Variants in RNASEH2B observed in about 807,000 individuals in gnomAD.
RNASEH2B encodes the protein Aicardi-Goutieres syndrome 2 protein.
Under a neutral mutation model 45.0 loss-of-function variants are expected in RNASEH2B, and 36 were observed. The observed-to-expected ratio is 0.80, with a 90% CI of 0.61 to 1.06. The LOEUF is 1.06. Among genes scored for constraint, RNASEH2B ranks in the 50% least tolerant of loss-of-function variants. RNASEH2B has a pLI of 0.00. For synonymous variants in RNASEH2B, 119 were observed against 125.7 expected (o/e 0.95, Z 0.35); for missense variants, 361 against 360.3 (o/e 1.00, Z -0.02).
At chr13:50,970,146 G>C (rs1345698769) in exon 10 of RNASEH2B, 1 of 675,118 alleles carries the variant, frequency 1.5e-6, no homozygotes, top group Admixed American at 2.6e-5. Context: ...GTGGGCAGCG[G>C]CATTCCTCCC....
chr13:50,925,089 A>AT (rs1951574836), intron 1 of RNASEH2B, among the ~76,000 whole-genome samples: 1 of 149,974 alleles, frequency 6.7e-6, no homozygotes, highest in East Asian at 2.0e-4. Flanking sequence ...TTTTTCTTCA[A>AT]TTTTTTTCTC....
intron 9 of RNASEH2B, chr13:50,951,181 G>A (rs1391343102): frequency 3.3e-5 from 5 of 152,100 alleles, no homozygotes; most frequent in Non-Finnish European, 7.3e-5. Context: ...TGCTTTTCGA[G>A]GTCTTCTACT....
At chr13:50,956,792 C>T (rs965523812), downstream of RNASEH2B, 87 of 1,008,030 alleles carry the variant, frequency 8.6e-5, 1 homozygote, top group African/African-American at 1.4e-3. Flanking sequence ...TTTAATGCAA[C>T]TTTGCATTCA....
chr13:50,966,678 T>G (rs1952167831), intron 9 of RNASEH2B, among the ~76,000 whole-genome samples: 1 of 152,206 alleles, frequency 6.6e-6, no homozygotes, highest in South Asian at 2.1e-4. Flanking sequence ...AGGCTTAAAT[T>G]GGATGTCAAG....
downstream of RNASEH2B, chr13:50,960,296 T>A: frequency 2.8e-6 from 1 of 361,056 alleles, no homozygotes; most frequent in Non-Finnish European, 4.8e-6. Flanking sequence ...ATTTAGTTTT[T>A]AAAAATTGCA....
upstream of RNASEH2B, chr13:50,909,761 G>T: frequency 3.8e-6 from 1 of 260,560 alleles, no homozygotes; most frequent in Non-Finnish European, 7.3e-6. Flanking sequence ...GCGTCACTCG[G>T]CGCCCTGCGG....
intron 10 of RNASEH2B, chr13:50,954,611 T>G (rs1952021958): frequency 6.6e-6 from 1 of 152,378 alleles, no homozygotes; most frequent in Non-Finnish European, 1.5e-5. Flanking sequence ...GACATATAGG[T>G]TACTTCTGAT....
intron 5 of RNASEH2B, chr13:50,940,762 T>C (rs1196357982): frequency 1.3e-5 from 2 of 152,198 alleles, no homozygotes; most frequent in African/African-American, 4.8e-5. Flanking sequence ...CAGTTGACTT[T>C]GGAGGAGGGT....
At chr13:50,924,498 A>T (rs1041165001) in intron 1 of RNASEH2B, among the ~76,000 whole-genome samples, 1 of 152,236 alleles carries the variant, frequency 6.6e-6, no homozygotes, top group Non-Finnish European at 1.5e-5. Flanking sequence ...CCAATGACAG[A>T]GCCCCAAATT....
chr13:50,911,526 C>A (rs1192563724), intron 1 of RNASEH2B: 1 of 152,140 alleles, frequency 6.6e-6, no homozygotes, highest in African/African-American at 2.4e-5. Context: ...AGTGGAATGG[C>A]TGGTTCTAGT....
intron 1 of RNASEH2B, among the ~76,000 whole-genome samples, chr13:50,917,252 C>T (rs114214784): frequency 0.01 from 1,529 of 152,266 alleles, 25 homozygotes; most frequent in African/African-American, 0.034. Flanking sequence ...GGATAGACAG[C>T]AGAGGAACTA....
intron 10 of RNASEH2B, chr13:50,954,762 CT>C (rs1266485146): frequency 2.0e-5 from 3 of 152,148 alleles, no homozygotes; most frequent in Non-Finnish European, 4.4e-5. Flanking sequence ...ATATATATAG[CT>C]AAAGTGCTTT....
intron 3 of RNASEH2B, chr13:50,930,011 G>C (rs371107799): frequency 4.0e-6 from 1 of 251,490 alleles, no homozygotes. Flanking sequence ...TCATATACCT[G>C]CCTGCCCACC....
chr13:50,953,452 T>A (rs1952001242), intron 9 of RNASEH2B: 1 of 185,826 alleles, frequency 5.4e-6, no homozygotes, highest in Non-Finnish European at 1.1e-5. Context: ...TAAAGTAAGA[T>A]AAATATTGTC....
intron 5 of RNASEH2B, chr13:50,936,823 A>G (rs1951757971): frequency 6.6e-6 from 1 of 152,198 alleles, no homozygotes; most frequent in South Asian, 2.1e-4. Context: ...TCTGCAGCCG[A>G]GAGCAAGAGG....
chr13:50,966,059 G>C (rs953335796), intron 9 of RNASEH2B, among the ~76,000 whole-genome samples: 1 of 152,106 alleles, frequency 6.6e-6, no homozygotes, highest in African/African-American at 2.4e-5. Context: ...CAACATAACT[G>C]AGCTGAATAA....
chr13:50,938,407 C>T (rs939766541), intron 5 of RNASEH2B: 1 of 151,988 alleles, frequency 6.6e-6, no homozygotes, highest in African/African-American at 2.4e-5. Flanking sequence ...TTAGCCAGCT[C>T]CATTTTTTTT....
intron 9 of RNASEH2B, among the ~76,000 whole-genome samples, chr13:50,964,496 C>T (rs905780296): frequency 3.3e-5 from 5 of 152,110 alleles, no homozygotes; most frequent in African/African-American, 1.2e-4. Flanking sequence ...GTGACACCCA[C>T]CCAAAGCTCA....
At chr13:50,955,179 G>C (rs1372390026) in intron 10 of RNASEH2B, 1 of 152,120 alleles carries the variant, frequency 6.6e-6, no homozygotes, top group African/African-American at 2.4e-5. Context: ...TTTATGCTTA[G>C]GAAGGCCTTG....
Sources: allele counts gnomAD v4.1 joint callset (sites outside exome capture counted in the v4.1 genomes callset), GRCh38; gene constraint gnomAD v4.1.1; transcripts MANE v1.5; gene names NCBI Gene and HGNC (gene_info 2026-07-23, HGNC 2026-07-21).